The following TAMM41 variants were observed in gnomAD, a reference collection of about 807,000 sequenced individuals.
TAMM41 encodes the protein TAM41 mitochondrial translocator assembly and maintenance homolog, also known as phosphatidate cytidylyltransferase, mitochondrial.
Under a neutral mutation model 44.1 loss-of-function variants are expected in TAMM41, and 36 were observed. That is an observed-to-expected ratio of 0.82 (90% CI 0.63 to 1.08). The LOEUF (loss-of-function observed/expected upper bound fraction) is 1.08. Among genes scored for constraint, TAMM41 ranks in the 50% least tolerant of loss-of-function variants. The pLI is 0.00. For synonymous variants in TAMM41, 164 were observed against 153.1 expected, an observed-to-expected ratio of 1.07 and a Z score of -0.53; for missense variants, 417 against 404.3, an observed-to-expected ratio of 1.03 and a Z score of -0.27.
chr3:11,723,020 G>A, the TAMM41 span, among the ~76,000 whole-genome samples: 1 of 152,190 alleles, frequency 6.6e-6, no homozygotes, highest in Non-Finnish European at 1.5e-5. Flanking sequence ...CTACTCAGGA[G>A]GCTGAAGCAG....
chr3:11,799,440 A>G (rs2077690434), intron 7 of TAMM41, among the ~76,000 whole-genome samples: 2 of 152,204 alleles, frequency 1.3e-5, no homozygotes, highest in Admixed American at 1.3e-4. Context: ...GCACTATGCT[A>G]GGAAACCTTT....
the TAMM41 span, among the ~76,000 whole-genome samples, chr3:11,737,320 T>C: frequency 0.022 from 2,901 of 132,254 alleles, 113 homozygotes; most frequent in African/African-American, 0.08. Context: ...TTATTATTAT[T>C]ATTATCATTA....
intron 4 of TAMM41, chr3:11,826,625 A>G (rs547383279): frequency 6.6e-6 from 1 of 152,204 alleles, no homozygotes; most frequent in Admixed American, 6.5e-5. Context: ...TTTTACAAAT[A>G]AGAAAACTGG....
At chr3:11,836,707 A>AC (rs1193417718) in intron 3 of TAMM41, among the ~76,000 whole-genome samples, 1 of 151,046 alleles carries the variant, frequency 6.6e-6, no homozygotes, top group Non-Finnish European at 1.5e-5. Context: ...CAAGTGATCC[A>AC]CCCGCCTCAG....
chr3:11,757,357 T>C, the TAMM41 span, among the ~76,000 whole-genome samples: 2 of 152,126 alleles, frequency 1.3e-5, no homozygotes, highest in African/African-American at 4.8e-5. Context: ...AAGAGCACTG[T>C]TCTGCTGGAA....
chr3:11,752,028 A>T, the TAMM41 span, among the ~76,000 whole-genome samples: 1 of 152,158 alleles, frequency 6.6e-6, no homozygotes. Flanking sequence ...ACACTCAGGC[A>T]GGTGCTAAGC....
the TAMM41 span, among the ~76,000 whole-genome samples, chr3:11,750,397 C>A: frequency 5.9e-5 from 9 of 152,148 alleles, no homozygotes. Flanking sequence ...TAGCCTCGAA[C>A]TCCTGGGCTT....
chr3:11,824,357 A>ATTTT (rs34155955), intron 4 of TAMM41, among the ~76,000 whole-genome samples: 79 of 105,104 alleles, frequency 7.5e-4, no homozygotes, highest in African/African-American at 2.1e-3. Flanking sequence ...TGCCTGGCTA[A>ATTTT]TTTTTTTTTT....
the TAMM41 span, among the ~76,000 whole-genome samples, chr3:11,756,744 A>G: frequency 6.6e-6 from 1 of 152,130 alleles, no homozygotes; most frequent in African/African-American, 2.4e-5. Context: ...ACATGCCTGT[A>G]ATCCCAGTTA....
intron 1 of TAMM41, among the ~76,000 whole-genome samples, chr3:11,846,171 C>A (rs576048690): frequency 6.6e-6 from 1 of 152,356 alleles, no homozygotes; most frequent in South Asian, 2.1e-4. Flanking sequence ...TAAAAGCTCC[C>A]CAGAAAATTC....
At chr3:11,774,284 G>A in the TAMM41 span, among the ~76,000 whole-genome samples, 1 of 152,186 alleles carries the variant, frequency 6.6e-6, no homozygotes, top group Non-Finnish European at 1.5e-5. Context: ...TCTCACCACT[G>A]TAGAATGAAA....
At chr3:11,807,165 C>T (rs973084699) in intron 7 of TAMM41, 25 of 1,330,300 alleles carry the variant, frequency 1.9e-5, no homozygotes, top group East Asian at 1.5e-4. Flanking sequence ...GAGGGGACAG[C>T]GAAGACACTC....
At chr3:11,844,771 G>C (rs1049908568) in intron 1 of TAMM41, 13 of 363,456 alleles carry the variant, frequency 3.6e-5, no homozygotes, top group Non-Finnish European at 5.9e-5. Flanking sequence ...CACTTATTGA[G>C]TACATAAGTA....
Position 11,829,774 on chromosome 3 carries a change from G to T in TAMM41, c.502C>A (p.Leu168Ile). Residue 168 changes from leucine to isoleucine, a missense_variant, in exon 4 of 8, where the codon CTC becomes ATC. Coordinates refer to ENST00000455809, the MANE Select transcript of TAMM41 (RefSeq NM_001284401.2). ...KSAVTAAFLM[L>I]PESFSEEDLF... ...TCTTCTTCAGAAAAGCTTTCGGGGA[G>T]CATGAGGAAAGCAGCGGTCACAGCA... 1 of 1,614,180 alleles carries T rather than the reference G, an allele frequency of 6.2e-7. No homozygotes were observed. The highest frequency in any genetic ancestry group is 8.5e-7 in the Non-Finnish European group (1 of 1,180,012).
chr3:11,768,880 G>A, the TAMM41 span, among the ~76,000 whole-genome samples: 322 of 152,352 alleles, frequency 2.1e-3, no homozygotes, highest in African/African-American at 7.4e-3. Flanking sequence ...ATTCTGCTAG[G>A]CACCTAGAAG....
chr3:11,733,004 G>GTTT, the TAMM41 span, among the ~76,000 whole-genome samples: 1,985 of 77,868 alleles, frequency 0.025, 31 homozygotes, highest in Non-Finnish European at 0.042. Flanking sequence ...TTTTTTGTTT[G>GTTT]TTTGTTTGTT....
At chr3:11,817,420 C>T (rs536455853) in intron 4 of TAMM41, 83 bp from the exon 5 acceptor site, 38 of 1,395,310 alleles carry the variant, frequency 2.7e-5, no homozygotes, top group South Asian at 1.1e-4. Context: ...ACACTGATAC[C>T]GCACGGGTTC....
chr3:11,728,959 G>A, the TAMM41 span, among the ~76,000 whole-genome samples: 1 of 146,072 alleles, frequency 6.8e-6, no homozygotes, highest in Non-Finnish European at 1.5e-5. Context: ...AGTGAGCCGA[G>A]ATCGCGCCAT....
In TAMM41 at chr3:11,846,531, G is replaced by T; in HGVS notation, c.106C>A (p.Arg36Ser). The change falls in exon 1 of 8, where the codon CGC becomes AGC. Residue 36 changes from arginine to serine, a missense_variant. Transcript: ENST00000455809. Reference sequence around the variant, plus strand: ...TGGTCTGAACTCGGCCCTGCCTGGCGGTACACCCCGGAGCCGTAGACGAAA... The same window carrying T: ...TGGTCTGAACTCGGCCCTGCCTGGCTGTACACCCCGGAGCCGTAGACGAAA... ...LAFVYGSGVY[R>S]QAGPSSDQKN... 2 of 1,614,208 alleles carry T rather than the reference G, an allele frequency of 1.2e-6. No homozygotes were observed. The highest frequency in any genetic ancestry group is 1.7e-6 in the Non-Finnish European group (2 of 1,180,046).
Sources: allele counts gnomAD v4.1 joint callset (sites outside exome capture counted in the v4.1 genomes callset), GRCh38; gene constraint gnomAD v4.1.1; transcripts MANE v1.5; gene names NCBI Gene and HGNC (gene_info 2026-07-23, HGNC 2026-07-21).